FHOD3: variants seen among roughly 807,000 people sequenced by gnomAD.
FHOD3 encodes FH1/FH2 domain-containing protein 3.
FHOD3 carries 90 observed loss-of-function variants against 173.0 expected under a neutral mutation model. That is an observed-to-expected ratio of 0.52 (90% CI 0.44 to 0.62). The LOEUF is 0.62. Among genes scored for constraint, FHOD3 ranks in the 20% least tolerant of loss-of-function variants. The probability of loss-of-function intolerance (pLI) is 0.00; values close to 1 mark genes in which losing one functional copy is unlikely to be tolerated. For synonymous variants in FHOD3, 828 were observed against 823.0 expected, an observed-to-expected ratio of 1.01 and a Z score of -0.10; for missense variants, 1,945 against 2,034.7, an observed-to-expected ratio of 0.96 and a Z score of 0.85.
intron 15 of FHOD3, among the ~76,000 whole-genome samples, chr18:36,686,702 T>C (rs900693120): frequency 2.0e-5 from 3 of 151,892 alleles, no homozygotes; most frequent in African/African-American, 7.3e-5. Context: ...CAACATAGAA[T>C]GGCCAAGGAA....
At chr18:36,671,510 CT>C (rs2037533936) in intron 14 of FHOD3, among the ~76,000 whole-genome samples, 1 of 152,170 alleles carries the variant, frequency 6.6e-6, no homozygotes, top group Non-Finnish European at 1.5e-5. Context: ...AAGAGCTTTC[CT>C]TTTTTCACCA....
At chr18:36,411,713 G>A (rs1191181710) in intron 3 of FHOD3, among the ~76,000 whole-genome samples, 1 of 152,208 alleles carries the variant, frequency 6.6e-6, no homozygotes, top group Non-Finnish European at 1.5e-5. Context: ...AGTGGCCCAG[G>A]AGAATGCTGT....
intron 3 of FHOD3, among the ~76,000 whole-genome samples, chr18:36,409,958 T>G (rs892077326): frequency 2.0e-5 from 3 of 152,332 alleles, no homozygotes; most frequent in African/African-American, 7.2e-5. Flanking sequence ...TGCCCGGGTG[T>G]CCCATGCCTG....
chr18:36,445,826 C>T (rs1159313410), intron 3 of FHOD3, among the ~76,000 whole-genome samples: 3 of 152,176 alleles, frequency 2.0e-5, no homozygotes, highest in Non-Finnish European at 2.9e-5. Flanking sequence ...GAGGCTCCCT[C>T]GCTGCGGTCA....
chr18:36,584,038 G>C (rs188083190), intron 6 of FHOD3, among the ~76,000 whole-genome samples: 1 of 152,146 alleles, frequency 6.6e-6, no homozygotes, highest in African/African-American at 2.4e-5. Context: ...ATGTTGCCCA[G>C]TCTGGTCTCA....
chr18:36,409,580 C>T (rs1229519512), intron 3 of FHOD3, among the ~76,000 whole-genome samples: 1 of 152,194 alleles, frequency 6.6e-6, no homozygotes, highest in Non-Finnish European at 1.5e-5. Flanking sequence ...TCTCTCATGT[C>T]TGTGTTCTCA....
At chr18:36,699,967 C>T (rs1414304023) in intron 17 of FHOD3, among the ~76,000 whole-genome samples, 1 of 152,094 alleles carries the variant, frequency 6.6e-6, no homozygotes, top group Non-Finnish European at 1.5e-5. Context: ...TCTAGATCAT[C>T]TCCAGGCTAA....
At chr18:36,461,855 T>TTG (rs2052576573) in intron 3 of FHOD3, among the ~76,000 whole-genome samples, 1 of 151,952 alleles carries the variant, frequency 6.6e-6, no homozygotes, top group Non-Finnish European at 1.5e-5. Flanking sequence ...GCACTAGGAG[T>TTG]TGGAAGACCT....
intron 19 of FHOD3, among the ~76,000 whole-genome samples, chr18:36,724,427 A>G (rs373054910): frequency 1.1e-3 from 170 of 152,330 alleles, no homozygotes; most frequent in Non-Finnish European, 2.0e-3. Context: ...GCTGCCGAGA[A>G]CAGGCACAGC....
chr18:36,749,413 A>G (rs1568725683), intron 24 of FHOD3, among the ~76,000 whole-genome samples: 1 of 152,158 alleles, frequency 6.6e-6, no homozygotes, highest in Non-Finnish European at 1.5e-5. Flanking sequence ...CCCATTTATA[A>G]ATGAGAACAT....
chr18:36,673,940 C>T (rs769742362), intron 14 of FHOD3, among the ~76,000 whole-genome samples: 11 of 152,034 alleles, frequency 7.2e-5, no homozygotes, highest in Non-Finnish European at 1.5e-4. Flanking sequence ...TTTTATTATT[C>T]AAGTTTGGAT....
chr18:36,475,617 C>T (rs2053522038), intron 3 of FHOD3, among the ~76,000 whole-genome samples: 1 of 152,090 alleles, frequency 6.6e-6, no homozygotes. Flanking sequence ...TAATTAGGTA[C>T]AGAAACTGTT....
intron 19 of FHOD3, among the ~76,000 whole-genome samples, chr18:36,723,454 T>C (rs1206842171): frequency 6.6e-6 from 1 of 152,214 alleles, no homozygotes; most frequent in African/African-American, 2.4e-5. Context: ...TTCAAGACTT[T>C]AGGAAAATTC....
intron 2 of FHOD3, 32 bp downstream of exon 2, chr18:36,355,677 C>T (rs763402249): frequency 6.4e-7 from 1 of 1,571,572 alleles, no homozygotes; most frequent in South Asian, 1.1e-5. Context: ...GCTGACTGGT[C>T]CCCACCTACC....
rs2043367779 is a variant in FHOD3 at position 36,771,292 on chromosome 18, ACT to A, written c.4786+1869_4786+1870del. Among the ~76,000 whole-genome samples, 4 of 151,826 alleles carry A rather than the reference ACT, an allele frequency of 2.6e-5. No homozygotes were observed. The South Asian group carries it at 8.3e-4, about 32-fold the overall frequency. ...CCGGGGCATGAGACCAGGAGTGGAA[ACT>A]CTTCTCCGAAGGGGCGAGGCTAATC... On this transcript the variant is annotated intron_variant, in intron 28 of 28. Coordinates refer to ENST00000590592, the MANE Select transcript of FHOD3 (RefSeq NM_001281740.3).
At chr18:36,647,760 G>A (rs1455627476) in intron 10 of FHOD3, among the ~76,000 whole-genome samples, 1 of 152,214 alleles carries the variant, frequency 6.6e-6, no homozygotes, top group Non-Finnish European at 1.5e-5. Flanking sequence ...TGATCTTCAA[G>A]TATACGTAAC....
chr18:36,596,517 C>T (rs1181676373), intron 7 of FHOD3, among the ~76,000 whole-genome samples: 1 of 151,862 alleles, frequency 6.6e-6, no homozygotes, highest in Non-Finnish European at 1.5e-5. Context: ...CTCAGACCCA[C>T]CTTTGAATGC....
At position 36,360,340 on chromosome 18, in the gene FHOD3, G is replaced by A. The variant is rs536817402; in HGVS notation, c.272+4695G>A. The stretch of plus-strand genomic sequence containing the variant: ...CTCCTAACTTCAGGTAACTTGGGGC[G>A]TTCACCTTTTCCTTGGCATGACTCC... On this transcript the variant is annotated intron_variant, in intron 2 of 28. Transcript: ENST00000590592. 1.1e-3 allele frequency among the ~76,000 whole-genome samples: 163 copies of A among 152,292 alleles called. 3 individuals carry two copies. Among genetic ancestry groups the A allele is most frequent in the African/African-American group, 3.6e-3 (148 of 41,554 alleles).
rs560359937 is a variant in FHOD3, at chr18:36,665,209, G to A, written c.1835+7021G>A. On this transcript the variant is annotated intron_variant, in intron 14 of 28. Coordinates refer to ENST00000590592, the MANE Select transcript of FHOD3 (RefSeq NM_001281740.3). ...AATAAGTTTTATTGTTATAATGGAAGGATACTGAGTTTCCAGTTAATTTTG... is the reference window on the plus strand; with the variant it reads ...AATAAGTTTTATTGTTATAATGGAAAGATACTGAGTTTCCAGTTAATTTTG... Among the ~76,000 whole-genome samples the A allele has an allele frequency of 5.9e-5, 9 of 152,332 alleles. No individual in the cohort carries two copies. The South Asian group carries it at 1.9e-3, about 32-fold the overall frequency.
Sources: allele counts gnomAD v4.1 joint callset (sites outside exome capture counted in the v4.1 genomes callset), GRCh38; gene constraint gnomAD v4.1.1; transcripts MANE v1.5; gene names NCBI Gene and HGNC (gene_info 2026-07-23, HGNC 2026-07-21).